Variants in THADA observed in about 807,000 individuals in gnomAD.
The protein encoded by THADA is THADA armadillo repeat containing.
A neutral mutation model predicts 219.8 loss-of-function variants in THADA; 213 were observed. That is an observed-to-expected ratio of 0.97 (90% CI 0.87 to 1.09). The LOEUF (loss-of-function observed/expected upper bound fraction) is 1.09, where lower values mean the gene tolerates loss of function less well. Ranked by LOEUF, THADA falls within the 50% of genes least tolerant of loss-of-function variation. THADA has a pLI of 0.00. For missense variants in THADA, 2,956 were observed against 2,311.3 expected (o/e 1.28, Z -5.72); for synonymous variants, 1,018 against 828.9 (o/e 1.23, Z -3.92).
At chr2:43,494,204 G>A (rs998920688) in intron 25 of THADA, among the ~76,000 whole-genome samples, 4 of 152,222 alleles carry the variant, frequency 2.6e-5, no homozygotes. Context: ...ATATTGGGCT[G>A]TTCCAAAAGG....
intron 31 of THADA, among the ~76,000 whole-genome samples, chr2:43,304,825 T>C (rs946828780): frequency 5.9e-5 from 9 of 152,014 alleles, no homozygotes; most frequent in African/African-American, 2.2e-4. Context: ...GCGCCAGCCA[T>C]CAAGCCTGGC....
rs1021557413 is a variant in THADA at position 43,230,923 on chromosome 2, C to G, written c.*25G>C. ...AGTGGAGGAAAAATCCACACATACC[C>G]CCATCCCAATCCCCCAGATTTTCTT... On this transcript the variant is annotated 3_prime_UTR_variant, in exon 38 of 38. Coordinates refer to ENST00000405975, the MANE Select transcript of THADA (RefSeq NM_022065.5). The G allele has an allele frequency of 3.8e-6, 6 of 1,584,346 alleles. No individual in the cohort carries two copies. In the African/African-American group the frequency reaches 8.1e-5, roughly 21 times the overall value.
At position 43,232,792 on chromosome 2, in the gene THADA, G is replaced by C. The variant is rs1355797169; in HGVS notation, c.5387C>G (p.Ala1796Gly). 3.1e-6 allele frequency: 5 copies of C among 1,613,360 alleles called. No homozygotes were observed. In the East Asian group the frequency reaches 6.7e-5, roughly 22 times the overall value. Residue 1796 changes from alanine to glycine, a missense_variant, in exon 37 of 38, where the codon GCC (alanine) becomes GGC (glycine). Physicochemically the swap from Ala to Gly is moderately conservative, Grantham distance 60. Transcript: ENST00000405975. ...TCCCAGCAGGATGGGCAGTCCAGGG[G>C]CCAACTGGTCCCACTGCTGGAGCAG... Reference protein sequence around the residue: ...CDLLQQWDQLAPGLPILLGWL... With the variant: ...CDLLQQWDQLGPGLPILLGWL...
At chr2:43,267,614 C>A (rs1386081419) in intron 36 of THADA, among the ~76,000 whole-genome samples, 2 of 152,302 alleles carry the variant, frequency 1.3e-5, no homozygotes, top group East Asian at 1.9e-4. Context: ...GTGCATGTGA[C>A]TTCCAGGCTG....
At position 43,593,316 on chromosome 2, in the gene THADA, T is replaced by C. The variant is rs140947340; in HGVS notation, c.-24-900A>G. On this transcript the variant is annotated intron_variant, in intron 1 of 37. Coordinates refer to ENST00000405975, the MANE Select transcript of THADA (RefSeq NM_022065.5). ...AAAGAGAGGCTGGAGAGGCAAAACG[T>C]GGTTTGAAACAGCTCAACAGCCCAA... is the stretch of plus-strand genomic sequence containing the variant. 7.0e-4 allele frequency among the ~76,000 whole-genome samples: 106 copies of C among 152,308 alleles called. 1 individual carries two copies. Among genetic ancestry groups the C allele is most frequent in the African/African-American group, 2.6e-3 (106 of 41,564 alleles).
intron 30 of THADA, among the ~76,000 whole-genome samples, chr2:43,320,771 T>C (rs1208438751): frequency 6.6e-6 from 1 of 152,126 alleles, no homozygotes; most frequent in African/African-American, 2.4e-5. Context: ...ACAAAATAGA[T>C]AACAACTCTA....
chr2:43,378,631 A>T (rs540574114), intron 29 of THADA, among the ~76,000 whole-genome samples: 2 of 152,252 alleles, frequency 1.3e-5, no homozygotes, highest in East Asian at 1.9e-4. Flanking sequence ...TTTGAGATGG[A>T]GTCTTGCTTT....
intron 29 of THADA, among the ~76,000 whole-genome samples, chr2:43,394,253 A>ATT (rs1673752870): frequency 6.6e-6 from 1 of 152,232 alleles, no homozygotes; most frequent in African/African-American, 2.4e-5. Context: ...AACGATTAAG[A>ATT]AATGAATCCC....
In THADA at chr2:43,293,150, G is replaced by T. The variant is rs946905474; in HGVS notation, c.4502C>A (p.Thr1501Lys). ...CACCTTGAAGGCCCAAGGGAATCCC[G>T]TTATCAGCTCTGATCCTGAGATAAT... ...RGIISGSELI[T>K]GFPWAFKVPG... Residue 1501 changes from threonine to lysine, a missense_variant, in exon 32 of 38, where the codon ACG becomes AAG. Transcript: ENST00000405975. 2 of 1,613,942 alleles carry T rather than the reference G, an allele frequency of 1.2e-6. No homozygotes were observed. Among genetic ancestry groups the T allele is most frequent in the Non-Finnish European group, 1.7e-6 (2 of 1,179,894 alleles).
In THADA at chr2:43,231,176, C is replaced by G; in HGVS notation, c.5634G>C (p.Gln1878His). The change falls in exon 38 of 38, where the codon CAG becomes CAC. Residue 1878 changes from glutamine to histidine, a missense_variant. Physicochemically the swap from Gln to His is conservative, Grantham distance 24. Transcript: ENST00000405975. ...LCHLQRMVSE[Q>H]CHLLSQFFRE... ...TGAAGAACTGAGACAGGAGGTGGCA[C>G]TGCTCTGACACCATCCTTTGAAGGT... 6.2e-7 allele frequency: 1 copy of G among 1,613,908 alleles called. No homozygotes were observed. The highest frequency in any genetic ancestry group is 8.5e-7 in the Non-Finnish European group (1 of 1,179,832).
intron 29 of THADA, among the ~76,000 whole-genome samples, chr2:43,390,263 G>A (rs987536788): frequency 6.6e-6 from 1 of 152,118 alleles, no homozygotes; most frequent in Admixed American, 6.5e-5. Flanking sequence ...TGACCACCTC[G>A]CTTTAGGGAG....
intron 22 of THADA, among the ~76,000 whole-genome samples, chr2:43,512,321 G>A (rs1226302139): frequency 2.6e-5 from 4 of 152,010 alleles, no homozygotes; most frequent in Non-Finnish European, 4.4e-5. Context: ...CTCTACCACC[G>A]GTTCCCATTC....
At chr2:43,351,249 G>A (rs1668219879) in intron 29 of THADA, among the ~76,000 whole-genome samples, 4 of 152,180 alleles carry the variant, frequency 2.6e-5, no homozygotes, top group Admixed American at 2.6e-4. Flanking sequence ...CCTAAAGAAT[G>A]TGCTGGCACT....
In THADA at chr2:43,308,121, C is replaced by G. The variant is rs966025512; in HGVS notation, c.4438+12325G>C. On this transcript the variant is annotated intron_variant, in intron 31 of 37. Coordinates refer to ENST00000405975, the MANE Select transcript of THADA (RefSeq NM_022065.5). ...CTGTAATTCCAGCACTTTGGGAGGC[C>G]AAGGGAGGAGGATTGCTTAAGCCTA... 2.6e-5 allele frequency among the ~76,000 whole-genome samples: 4 copies of G among 152,060 alleles called. 1 individual carries two copies. Among genetic ancestry groups the G allele is most frequent in the African/African-American group, 9.6e-5 (4 of 41,474 alleles).
chr2:43,297,193 C>G (rs1386370499), intron 31 of THADA, among the ~76,000 whole-genome samples: 3 of 100,998 alleles, frequency 3.0e-5, no homozygotes, highest in African/African-American at 1.4e-4. Flanking sequence ...GCCCCGCCGC[C>G]CCATCTGGGA....
chr2:43,577,156 G>A lies in THADA; in HGVS notation c.903C>T (p.Asp301=), dbSNP rs1236371450. ...GGAATAAGACAGCTGACTGAGAGAT[G>A]TCACCACAACAGAGGCTCCTGCAGC... is the stretch of plus-strand genomic sequence containing the variant. ...MSSCRSLCCG[D]ISQSAVLFLC... Residue 301 remains aspartate, a synonymous_variant, in exon 10 of 38, where the codon GAC becomes GAT. Coordinates refer to ENST00000405975, the MANE Select transcript of THADA (RefSeq NM_022065.5). The A allele has an allele frequency of 6.2e-7, 1 of 1,610,616 alleles. No homozygotes were observed. Among genetic ancestry groups the A allele is most frequent in the Admixed American group, 1.7e-5 (1 of 59,544 alleles).
At chr2:43,516,362 G>C (rs1454360420) in intron 22 of THADA, among the ~76,000 whole-genome samples, 2 of 151,984 alleles carry the variant, frequency 1.3e-5, no homozygotes, top group Admixed American at 6.6e-5. Flanking sequence ...CAACTTCTCT[G>C]ATCTCATCTA....
At chr2:43,500,005 G>T (rs1032987246) in intron 24 of THADA, among the ~76,000 whole-genome samples, 1 of 151,862 alleles carries the variant, frequency 6.6e-6, no homozygotes, top group African/African-American at 2.4e-5. Flanking sequence ...CTCTGAAACA[G>T]AAATAAACCC....
rs17030729 is a variant in THADA at position 43,376,259 on chromosome 2, T to A, written c.4227+21712A>T. ...TGTATGCACTCCTGAAGTAATACCC[T>A]CTTTATGATTATTTGTTTTCTACAA... On this transcript the variant is annotated intron_variant, in intron 29 of 37. Coordinates refer to ENST00000405975, the MANE Select transcript of THADA (RefSeq NM_022065.5). Among the ~76,000 whole-genome samples the A allele has an allele frequency of 3.7e-3, 571 of 152,332 alleles. 2 individuals carry two copies. Among genetic ancestry groups the A allele is most frequent in the African/African-American group, 0.013 (541 of 41,568 alleles).
Sources: gnomAD v4.1 joint callset for allele counts (sites outside exome capture counted in the v4.1 genomes callset) on GRCh38, gnomAD v4.1.1 for gene constraint, MANE v1.5 for transcripts, NCBI Gene and HGNC (gene_info 2026-07-23, HGNC 2026-07-21) for gene names.